The following INSL6 variants were observed in gnomAD, a reference collection of about 807,000 sequenced individuals.
INSL6 encodes the protein insulin like 6.
INSL6 carries 16 observed loss-of-function variants against 9.4 expected under a neutral mutation model. The observed-to-expected ratio is 1.70, with a 90% CI of 1.15 to 2.59. The LOEUF is 2.59. INSL6 is among the 30% of genes most tolerant of loss of function. The pLI is 0.00. For missense variants in INSL6, 391 were observed against 257.3 expected (o/e 1.52, Z -3.56); for synonymous variants, 154 against 96.9 (o/e 1.59, Z -3.46).
At chr9:5,053,743 C>T in the INSL6 span, among the ~76,000 whole-genome samples, 36,669 of 151,312 alleles carry the variant, frequency 0.24, 4,746 homozygotes, top group South Asian at 0.31. Flanking sequence ...TTATACGGGA[C>T]GGACATTAAT....
At chr9:5,076,492 T>A in the INSL6 span, among the ~76,000 whole-genome samples, 3 of 152,186 alleles carry the variant, frequency 2.0e-5, no homozygotes, top group African/African-American at 7.2e-5. Flanking sequence ...AGCACCTTTT[T>A]TGGCAATAAA....
At chr9:5,089,586 T>TACTAGAATTTTCTATATAA in the INSL6 span, 2 of 260,816 alleles carry the variant, frequency 7.7e-6, no homozygotes, top group Non-Finnish European at 1.5e-5. Context: ...TAATTCCAGC[T>TACTAGAATTTTCTATATAA]ACTAGAATTT....
At chr9:5,002,287 C>T in the INSL6 span, among the ~76,000 whole-genome samples, 58 of 151,950 alleles carry the variant, frequency 3.8e-4, 2 homozygotes, top group East Asian at 0.011. Flanking sequence ...TATAGCTATA[C>T]ATTCTCTCTA....
At chr9:5,119,912 AT>A (rs902949442), downstream of INSL6, among the ~76,000 whole-genome samples, 1 of 152,206 alleles carries the variant, frequency 6.6e-6, no homozygotes, top group African/African-American at 2.4e-5. Flanking sequence ...AGTTCATTAA[AT>A]TTTATGTAAA....
the INSL6 span, among the ~76,000 whole-genome samples, chr9:5,066,946 TAAAC>T: frequency 1.3e-5 from 2 of 152,068 alleles, no homozygotes; most frequent in South Asian, 2.1e-4. Context: ...TCTGTACAAA[TAAAC>T]AAGTTATAAT....
intron 2 of INSL6, among the ~76,000 whole-genome samples, chr9:5,155,071 A>C (rs1242465031): frequency 3.3e-5 from 5 of 151,776 alleles, no homozygotes. Flanking sequence ...ACTTGGAACC[A>C]AGCCAAATGT....
chr9:5,022,022 A>C, the INSL6 span: 1 of 1,614,072 alleles, frequency 6.2e-7, no homozygotes. Context: ...ACAGAAATGG[A>C]GGGAACATCC....
chr9:5,135,249 C>A lies in INSL6; in HGVS notation c.377-1657G>T, dbSNP rs753718050. Among the ~76,000 whole-genome samples the A allele has an allele frequency of 9.3e-4, 142 of 152,196 alleles. 1 individual carries two copies. The highest frequency in any genetic ancestry group is 1.7e-3 in the Non-Finnish European group (117 of 68,010). On this transcript the variant is annotated intron_variant, in intron 2 of 3. Transcript: ENST00000649639. Reference sequence around the variant, plus strand: ...ATAATAACAGTGGGAGACTTTAACACCCCACTGTCAATATTAAACAGATCA... The same window carrying A: ...ATAATAACAGTGGGAGACTTTAACAACCCACTGTCAATATTAAACAGATCA...
intron 1 of INSL6, among the ~76,000 whole-genome samples, chr9:5,164,928 C>T (rs1314143950): frequency 6.6e-6 from 1 of 152,210 alleles, no homozygotes; most frequent in African/African-American, 2.4e-5. Context: ...GTGCTGATGG[C>T]CCAGCATAGT....
the INSL6 span, among the ~76,000 whole-genome samples, chr9:5,042,590 C>T: frequency 5.3e-4 from 71 of 134,924 alleles, 1 homozygote; most frequent in Middle Eastern, 0.022. Context: ...CTGGAGGCCC[C>T]CAGGGCTGAG....
chr9:5,028,599 A>G, the INSL6 span, among the ~76,000 whole-genome samples: 7 of 152,194 alleles, frequency 4.6e-5, no homozygotes, highest in Non-Finnish European at 7.4e-5. Context: ...TCTTCTTCCA[A>G]TAGAAGGCTG....
intron 1 of INSL6, among the ~76,000 whole-genome samples, chr9:5,177,447 G>C (rs10974989): frequency 3.9e-5 from 6 of 152,166 alleles, no homozygotes; most frequent in African/African-American, 1.4e-4. Context: ...CATGCCACTA[G>C]GGCCTTGGGT....
chr9:5,066,739 C>A, the INSL6 span: 2 of 1,604,832 alleles, frequency 1.2e-6, no homozygotes, highest in Non-Finnish European at 1.7e-6. Flanking sequence ...GTATGTACTT[C>A]GATGCAGTCC....
the INSL6 span, chr9:5,110,523 C>A: frequency 6.4e-6 from 1 of 156,516 alleles, no homozygotes; most frequent in Non-Finnish European, 1.4e-5. Context: ...CAATGATGAA[C>A]AAGATATTTG....
chr9:5,127,578 T>C (rs975027006), intron 3 of INSL6: 7 of 231,504 alleles, frequency 3.0e-5, no homozygotes, highest in Admixed American at 2.8e-4. Flanking sequence ...TGGAACTATC[T>C]CCAAATTTTT....
intron 3 of INSL6, chr9:5,126,062 C>G (rs1156632134): frequency 7.8e-6 from 2 of 255,114 alleles, no homozygotes; most frequent in Admixed American, 1.1e-4. Context: ...CAACAAAAAA[C>G]TCAAAGGAAA....
Position 5,177,353 on chromosome 9 carries a change from C to T in INSL6, c.289+7961G>A, listed in dbSNP as rs1005394917. Reference sequence around the variant, plus strand: ...CCACCCCGCCCGGGAAATCACATTTCTCCCAGAGATCTCTGAAACCCAGAT... The same window carrying T: ...CCACCCCGCCCGGGAAATCACATTTTTCCCAGAGATCTCTGAAACCCAGAT... On this transcript the variant is annotated intron_variant, in intron 1 of 1. Transcript: ENST00000381641. 3.9e-5 allele frequency among the ~76,000 whole-genome samples: 6 copies of T among 152,326 alleles called. No homozygotes were observed. The East Asian group carries it at 9.7e-4, about 25-fold the overall frequency.
intron 1 of INSL6, 66 bp from the exon 2 acceptor site, chr9:5,164,331 T>G: frequency 3.0e-6 from 3 of 999,580 alleles, no homozygotes; most frequent in Non-Finnish European, 4.6e-6. Context: ...AATTTAATAT[T>G]GGAACAGTAA....
chr9:5,167,471 C>T (rs1384465970), intron 1 of INSL6, among the ~76,000 whole-genome samples: 1 of 152,162 alleles, frequency 6.6e-6, no homozygotes. Context: ...GCAATTCCCC[C>T]ACAGCACAGC....
Sources: allele counts gnomAD v4.1 joint callset (sites outside exome capture counted in the v4.1 genomes callset), GRCh38; gene constraint gnomAD v4.1.1; transcripts MANE v1.5; gene names NCBI Gene and HGNC (gene_info 2026-07-23, HGNC 2026-07-21).